The following DTNA variants were observed in gnomAD, a reference collection of about 807,000 sequenced individuals.
DTNA encodes dystrophin-related protein 3.
DTNA carries 43 observed loss-of-function variants against 100.7 expected under a neutral mutation model. That is an observed-to-expected ratio of 0.43 (90% CI 0.33 to 0.55). The LOEUF (loss-of-function observed/expected upper bound fraction) is 0.55, where lower values mean the gene tolerates loss of function less well. DTNA is among the 20% of genes least tolerant of loss of function. The probability of loss-of-function intolerance (pLI) is 0.04; values close to 1 mark genes in which losing one functional copy is unlikely to be tolerated. For missense variants in DTNA, 798 were observed against 953.9 expected (o/e 0.84, Z 2.15); for synonymous variants, 349 against 347.9 (o/e 1.00, Z -0.04).
At position 34,838,047 on chromosome 18, in the gene DTNA, C is replaced by A. The variant is rs150347998; in HGVS notation, c.1176-47C>A. The A allele has an allele frequency of 5.9e-4, 913 of 1,550,920 alleles. 8 individuals are homozygous for A. The Admixed American group carries it at 0.015, about 25-fold the overall frequency. ...TGTTGCCAGTTTCTATTCTTGAATG[C>A]ATTGCCGTGTTTACGCTCTTCTTGG... On this transcript the variant is annotated intron_variant, in intron 11 of 22. Transcript: ENST00000444659.
chr18:34,543,860 A>G (rs969489029), intron 1 of DTNA, among the ~76,000 whole-genome samples: 2 of 152,120 alleles, frequency 1.3e-5, no homozygotes, highest in Non-Finnish European at 2.9e-5. Flanking sequence ...GCCAGTAGAC[A>G]TCTGGGAACC....
At chr18:34,547,835 T>G (rs1391323584) in intron 1 of DTNA, among the ~76,000 whole-genome samples, 1 of 152,188 alleles carries the variant, frequency 6.6e-6, no homozygotes, top group Non-Finnish European at 1.5e-5. Context: ...CTTTGCTTTA[T>G]GAATTTGAAT....
chr18:34,801,140 A>C (rs979582292), intron 4 of DTNA, among the ~76,000 whole-genome samples: 2 of 152,226 alleles, frequency 1.3e-5, no homozygotes, highest in Non-Finnish European at 2.9e-5. Context: ...GAAAAGTCTC[A>C]GAGTGAGAAA....
chr18:34,576,087 G>A lies in DTNA; in HGVS notation c.-2+82573G>A, dbSNP rs145914913. Among the ~76,000 whole-genome samples the A allele has an allele frequency of 1.9e-3, 287 of 152,280 alleles. 1 individual carries two copies. The highest frequency in any genetic ancestry group is 6.4e-3 in the African/African-American group (264 of 41,566). On this transcript the variant is annotated intron_variant, in intron 1 of 19. Coordinates refer to the DTNA transcript ENST00000283365. ...GCTTTAGTTCTGTGAAACCCAATGA[G>A]AGCTGTCCATAGAACCATCTTTTGG...
chr18:34,823,643 T>G (rs2095783557), intron 9 of DTNA, among the ~76,000 whole-genome samples: 1 of 152,234 alleles, frequency 6.6e-6, no homozygotes, highest in Admixed American at 6.5e-5. Context: ...GCAATAAACA[T>G]GTTTTCTAGC....
chr18:34,860,983 A>G (rs1435008657), intron 16 of DTNA, among the ~76,000 whole-genome samples: 1 of 152,176 alleles, frequency 6.6e-6, no homozygotes, highest in Non-Finnish European at 1.5e-5. Flanking sequence ...ATATTTATGT[A>G]CTTATATATG....
chr18:34,869,708 A>T (rs1352544211), intron 17 of DTNA, among the ~76,000 whole-genome samples: 1 of 152,126 alleles, frequency 6.6e-6, no homozygotes, highest in Admixed American at 6.5e-5. Flanking sequence ...TGATTAGTAC[A>T]GGGTGCATAT....
Position 34,866,654 on chromosome 18 carries a change from A to G in DTNA, c.1743+2592A>G, listed in dbSNP as rs547427851. On this transcript the variant is annotated intron_variant, in intron 17 of 22. Coordinates refer to ENST00000444659, the MANE Select transcript of DTNA (RefSeq NM_001386795.1). ...CAATTAAATCCCTTTTCATCACACA[A>G]TTATTGAGCCTTGTTCCCCATGGCT... 1.9e-4 allele frequency: 188 copies of G among 1,008,752 alleles called. No homozygotes were observed. In the African/African-American group the frequency reaches 2.9e-3, roughly 16 times the overall value. 62.5% of individuals were successfully genotyped at this position (1,008,752 alleles called of 1,614,324 possible). A position where few individuals can be genotyped will look rare whatever the true frequency, so the allele number is the denominator to read the frequency against.
intron 1 of DTNA, among the ~76,000 whole-genome samples, chr18:34,638,074 T>C (rs548666402): frequency 3.9e-5 from 6 of 152,334 alleles, no homozygotes; most frequent in Non-Finnish European, 8.8e-5. Flanking sequence ...GTAGCCTCCT[T>C]TAGCTAGAAA....
At chr18:34,690,319 G>A (rs2145831465) in intron 1 of DTNA, among the ~76,000 whole-genome samples, 1 of 152,310 alleles carries the variant, frequency 6.6e-6, no homozygotes, top group Admixed American at 6.5e-5. Context: ...TGGGAAAAGG[G>A]TAGTAACTTG....
intron 2 of DTNA, among the ~76,000 whole-genome samples, chr18:34,761,220 C>G (rs924790093): frequency 1.3e-5 from 2 of 151,870 alleles, no homozygotes; most frequent in Non-Finnish European, 2.9e-5. Flanking sequence ...TCATCATAGG[C>G]TTCATTTTTA....
chr18:34,745,765 A>G (rs1272140828), intron 1 of DTNA, among the ~76,000 whole-genome samples: 1 of 152,116 alleles, frequency 6.6e-6, no homozygotes, highest in Non-Finnish European at 1.5e-5. Context: ...AAATAAAACT[A>G]CCTTTGATTC....
chr18:34,884,146 T>G (rs772660663), intron 21 of DTNA, among the ~76,000 whole-genome samples: 1 of 152,168 alleles, frequency 6.6e-6, no homozygotes, highest in Non-Finnish European at 1.5e-5. Flanking sequence ...AAATAACCAA[T>G]GTTCTGGTTC....
intron 1 of DTNA, among the ~76,000 whole-genome samples, chr18:34,509,502 C>G (rs1461265023): frequency 1.3e-5 from 2 of 151,980 alleles, no homozygotes; most frequent in Non-Finnish European, 2.9e-5. Flanking sequence ...CCTTTTAACC[C>G]AAACACTGTA....
chr18:34,552,000 G>A (rs1246045746), intron 1 of DTNA, among the ~76,000 whole-genome samples: 1 of 151,716 alleles, frequency 6.6e-6, no homozygotes, highest in Non-Finnish European at 1.5e-5. Context: ...TGTTCCCTTT[G>A]TCTCAGCCAT....
chr18:34,596,699 T>C (rs1231438484), intron 1 of DTNA, among the ~76,000 whole-genome samples: 2 of 152,226 alleles, frequency 1.3e-5, no homozygotes, highest in African/African-American at 4.8e-5. Flanking sequence ...ATATCAAAGT[T>C]TGCTGATATC....
chr18:34,623,154 G>T (rs1241549364), intron 1 of DTNA, among the ~76,000 whole-genome samples: 1 of 152,180 alleles, frequency 6.6e-6, no homozygotes, highest in African/African-American at 2.4e-5. Flanking sequence ...ATACATTGGA[G>T]CTGCATAACC....
intron 16 of DTNA, among the ~76,000 whole-genome samples, chr18:34,861,372 G>A (rs1305280681): frequency 6.6e-6 from 1 of 151,214 alleles, no homozygotes; most frequent in Non-Finnish European, 1.5e-5. Flanking sequence ...TGTACTCCCA[G>A]CTGCTGCAGA....
chr18:34,866,843 T>A (rs984349535), intron 17 of DTNA: 8 of 1,023,448 alleles, frequency 7.8e-6, no homozygotes, highest in Non-Finnish European at 9.3e-6. Flanking sequence ...CCAGAGCCTT[T>A]CGGCTCCGGG....
Sources: gnomAD v4.1 joint callset for allele counts (sites outside exome capture counted in the v4.1 genomes callset) on GRCh38, gnomAD v4.1.1 for gene constraint, MANE v1.5 for transcripts, NCBI Gene and HGNC (gene_info 2026-07-23, HGNC 2026-07-21) for gene names.